SLC9B1: variants seen among roughly 807,000 people sequenced by gnomAD.
SLC9B1 encodes the protein sodium/hydrogen exchanger 9B1.
A neutral mutation model predicts 51.7 loss-of-function variants in SLC9B1; 32 were observed. The observed-to-expected ratio is 0.62, with a 90% CI of 0.47 to 0.83. SLC9B1 has a LOEUF of 0.83. SLC9B1 is among the 40% of genes least tolerant of loss of function. SLC9B1 has a pLI of 0.00. For missense variants in SLC9B1, 406 were observed against 613.2 expected (o/e 0.66, Z 3.57); for synonymous variants, 145 against 212.7 (o/e 0.68, Z 2.77).
intron 1 of SLC9B1, among the ~76,000 whole-genome samples, chr4:103,008,677 C>T (rs1740924339): frequency 6.8e-6 from 1 of 146,152 alleles, no homozygotes; most frequent in South Asian, 2.1e-4. Flanking sequence ...GACATCGCAC[C>T]TGACCCTGAT....
chr4:102,899,665 G>T (rs1239551450), downstream of SLC9B1, among the ~76,000 whole-genome samples: 2 of 152,026 alleles, frequency 1.3e-5, no homozygotes, highest in African/African-American at 4.8e-5. Context: ...GCCCATGTCG[G>T]CCTCCCAAAG....
intron 1 of SLC9B1, among the ~76,000 whole-genome samples, chr4:103,011,832 C>T (rs1741100001): frequency 6.6e-6 from 1 of 152,152 alleles, no homozygotes; most frequent in South Asian, 2.1e-4. Context: ...CATGGACACC[C>T]TGGGCCCCTC....
intron 3 of SLC9B1, among the ~76,000 whole-genome samples, chr4:102,954,615 T>C (rs1737686532): frequency 6.6e-6 from 1 of 152,156 alleles, no homozygotes; most frequent in African/African-American, 2.4e-5. Flanking sequence ...TGTTGAATTC[T>C]GTAGCCAGTT....
At chr4:102,890,965 A>G (rs1394950013) in intron 11 of SLC9B1, 1 of 150,606 alleles carries the variant, frequency 6.6e-6, no homozygotes, top group African/African-American at 2.5e-5. Flanking sequence ...AATTTAACCC[A>G]TGGAAAGCAG....
intron 4 of SLC9B1, among the ~76,000 whole-genome samples, chr4:102,947,893 C>T (rs1737344881): frequency 6.8e-6 from 1 of 147,684 alleles, no homozygotes; most frequent in Non-Finnish European, 1.5e-5. Flanking sequence ...TAAATGTGAG[C>T]TCTACATACA....
At chr4:102,923,664 C>A (rs927794667) in intron 7 of SLC9B1, among the ~76,000 whole-genome samples, 4 of 140,022 alleles carry the variant, frequency 2.9e-5, no homozygotes, top group African/African-American at 1.1e-4. Flanking sequence ...TTAGAAAACC[C>A]CATCATCTCA....
In SLC9B1 at chr4:102,893,306, GA is replaced by G. The variant is rs1246477597; in HGVS notation, c.1333-7979del. 7.4e-5 allele frequency among the ~76,000 whole-genome samples: 6 copies of G among 81,424 alleles called. 1 individual carries two copies. The highest frequency in any genetic ancestry group is 3.2e-4 in the African/African-American group (6 of 18,826). The allele number at this position is 81,424 out of a possible 152,430, so 53.4% of individuals were successfully genotyped here. ...CAAAAAAAAAAAAAAAAAAAAAAAA[GA>G]AAAAGAAAAAAGAAAGATTCACTTT... On this transcript the variant is annotated intron_variant, in intron 11 of 11. Coordinates refer to the SLC9B1 transcript ENST00000394789.
At chr4:102,996,493 A>G (rs532423189) in intron 1 of SLC9B1, among the ~76,000 whole-genome samples, 126 of 152,238 alleles carry the variant, frequency 8.3e-4, no homozygotes, top group African/African-American at 2.8e-3. Flanking sequence ...TCTTCCACAA[A>G]CATTATTGTT....
chr4:102,964,149 G>A (rs1369238809), intron 3 of SLC9B1, among the ~76,000 whole-genome samples: 3 of 151,954 alleles, frequency 2.0e-5, no homozygotes, highest in African/African-American at 4.8e-5. Flanking sequence ...TTAAAAGGAT[G>A]TTAAGAAAAT....
Position 102,927,114 on chromosome 4 carries a change from G to A in SLC9B1, c.829+5010C>T, listed in dbSNP as rs549738985. Among the ~76,000 whole-genome samples, 19 of 152,300 alleles carry A rather than the reference G, an allele frequency of 1.2e-4. No individual in the cohort carries two copies. In the South Asian group the frequency reaches 3.7e-3, roughly 30 times the overall value. On this transcript the variant is annotated intron_variant, in intron 7 of 11. Transcript: ENST00000296422. Reference sequence around the variant, plus strand: ...AAAAATTAATTCAAGATGGATTAAAGACTTAAATGTTAGACCTAAAACCAT... The same window carrying A: ...AAAAATTAATTCAAGATGGATTAAAAACTTAAATGTTAGACCTAAAACCAT...
rs1560950175 is a variant in SLC9B1 at position 102,955,885 on chromosome 4, GAAAGAAAGAAAGAA to G, written c.212-6472_212-6459del. 1.5e-4 allele frequency among the ~76,000 whole-genome samples: 22 copies of G among 143,912 alleles called. No individual in the cohort carries two copies. The East Asian group carries it at 3.6e-3, about 24-fold the overall frequency. The allele number at this position is 143,912 out of a possible 152,430, so 94.4% of individuals were successfully genotyped here. A position where few individuals can be genotyped will look rare whatever the true frequency, so the allele number is the denominator to read the frequency against. On this transcript the variant is annotated intron_variant, in intron 3 of 11. Coordinates refer to ENST00000296422, the MANE Select transcript of SLC9B1 (RefSeq NM_139173.4). Reference sequence around the variant, plus strand: ...AGAAAGAAAGAAAGAAAGAAAGAAAGAAAGAAAGAAAGAAAGAGAGAGAAAGACCCACATGCAAG... The same window carrying G: ...AGAAAGAAAGAAAGAAAGAAAGAAAGAGAGAGAGAAAGACCCACATGCAAG...
intron 7 of SLC9B1, among the ~76,000 whole-genome samples, chr4:102,922,115 T>C (rs1216059579): frequency 6.6e-6 from 1 of 152,224 alleles, no homozygotes; most frequent in Non-Finnish European, 1.5e-5. Flanking sequence ...TACATTCTTC[T>C]CAGCACCACA....
In SLC9B1 at chr4:102,906,555, C is replaced by T. The variant is rs374289781; in HGVS notation, c.1176G>A (p.Ser392=). Residue 392 remains serine (S), a synonymous_variant, in exon 10 of 12, where the codon TCG becomes TCA. Transcript: ENST00000296422. ...TCTTACCAACAATATTTGATTCAAG[C>T]GATGAAACAGATACTTCTGCTCCAA... is the stretch of plus-strand genomic sequence containing the variant. ...GLVGAEVSVS[S]LESNIVGISV... is the part of the protein sequence containing the mutation. 5.5e-5 allele frequency: 85 copies of T among 1,553,916 alleles called. No individual in the cohort carries two copies. The Middle Eastern group carries it at 6.9e-4, about 13-fold the overall frequency.
chr4:102,921,292 T>G (rs1413410015), intron 7 of SLC9B1, among the ~76,000 whole-genome samples: 1 of 152,196 alleles, frequency 6.6e-6, no homozygotes, highest in Admixed American at 6.5e-5. Context: ...CAACTCAGAA[T>G]TTCATATCCA....
intron 3 of SLC9B1, among the ~76,000 whole-genome samples, chr4:102,977,479 G>A (rs761568707): frequency 8.6e-5 from 13 of 152,044 alleles, no homozygotes; most frequent in Admixed American, 2.0e-4. Flanking sequence ...TTTTGTTTTA[G>A]CTCCCTGGCA....
At chr4:102,991,265 A>G (rs1405780618) in intron 2 of SLC9B1, among the ~76,000 whole-genome samples, 1 of 152,086 alleles carries the variant, frequency 6.6e-6, no homozygotes, top group Non-Finnish European at 1.5e-5. Flanking sequence ...TGCTCTATAT[A>G]TCTATAAAAA....
At chr4:103,008,422 CTTTT>C (rs3974483) in intron 1 of SLC9B1, among the ~76,000 whole-genome samples, 7 of 145,700 alleles carry the variant, frequency 4.8e-5, no homozygotes, top group Admixed American at 1.4e-4. Flanking sequence ...TCATTTGCTA[CTTTT>C]TTTTTTTTTT....
chr4:102,959,609 G>A (rs1309495072), intron 3 of SLC9B1, among the ~76,000 whole-genome samples: 1 of 152,092 alleles, frequency 6.6e-6, no homozygotes, highest in East Asian at 1.9e-4. Context: ...TTGAGATTTT[G>A]CTTGAATATC....
intron 3 of SLC9B1, among the ~76,000 whole-genome samples, chr4:102,957,047 G>A (rs1449921211): frequency 6.6e-6 from 1 of 152,108 alleles, no homozygotes; most frequent in Non-Finnish European, 1.5e-5. Flanking sequence ...AATCACTAGC[G>A]AGGTTCAGTA....
Sources: gnomAD v4.1 joint callset for allele counts (sites outside exome capture counted in the v4.1 genomes callset) on GRCh38, gnomAD v4.1.1 for gene constraint, MANE v1.5 for transcripts, NCBI Gene and HGNC (gene_info 2026-07-23, HGNC 2026-07-21) for gene names.